ZNF100: variants seen among roughly 807,000 people sequenced by gnomAD.
ZNF100 encodes the protein zinc finger protein 100 (Y1).
ZNF100 carries 12 observed loss-of-function variants against 15.8 expected under a neutral mutation model. The observed-to-expected ratio is 0.76, with a 90% CI of 0.49 to 1.23. The LOEUF (loss-of-function observed/expected upper bound fraction) is 1.23. Among genes scored for constraint, ZNF100 ranks in the 50% most tolerant of loss-of-function variants. The pLI, the probability that ZNF100 is intolerant of heterozygous loss-of-function variation, is 0.00. For synonymous variants in ZNF100, 226 were observed against 214.8 expected, an observed-to-expected ratio of 1.05 and a Z score of -0.45; for missense variants, 670 against 635.6, an observed-to-expected ratio of 1.05 and a Z score of -0.58.
At chr19:21,750,832 G>T in intron 2 of ZNF100, 1 of 461,742 alleles carries the variant, frequency 2.2e-6, no homozygotes, top group South Asian at 4.8e-5. Context: ...CGGCCCAGAG[G>T]AGCAGAGACG....
At position 21,722,980 on chromosome 19, in the gene ZNF100, C is replaced by G. The variant is rs1427372574; in HGVS notation, c.*3703G>C. On this transcript the variant is annotated 3_prime_UTR_variant, in exon 5 of 5. Coordinates refer to ENST00000358296, the MANE Select transcript of ZNF100 (RefSeq NM_173531.4). ...TCTTCTCACCTGTGGACAATGTATG[C>G]TTTTATCTTAACTAATCCGAAAGTT... is the stretch of plus-strand genomic sequence containing the variant. The G allele has an allele frequency of 6.6e-6, 1 of 151,792 alleles. No homozygotes were observed. Among genetic ancestry groups the G allele is most frequent in the Non-Finnish European group, 1.5e-5 (1 of 67,980 alleles). The allele number at this position is 151,792 out of a possible 1,614,324, so 9.4% of individuals were successfully genotyped here.
rs146483586 is a variant in ZNF100 at position 21,747,022 on chromosome 19, A to G, written c.97-1955T>C. The G allele has an allele frequency of 3.9e-5, 6 of 152,342 alleles. 1 individual carries two copies. The East Asian group carries it at 1.2e-3, about 30-fold the overall frequency. The allele number at this position is 152,342 out of a possible 1,614,324, so 9.4% of individuals were successfully genotyped here. ...TCCACCCATACCTCTCCCTTATAAC[A>G]GAGGAGATTCAGGAAAAATGTGCTG... On this transcript the variant is annotated intron_variant, in intron 2 of 4. Transcript: ENST00000358296.
intron 2 of ZNF100, among the ~76,000 whole-genome samples, chr19:21,746,545 C>A (rs1384870856): frequency 2.0e-5 from 3 of 152,124 alleles, no homozygotes; most frequent in Non-Finnish European, 4.4e-5. Context: ...TGTTCAACAG[C>A]CACAATGGGA....
rs535130677 is a variant in ZNF100 at position 21,751,135 on chromosome 19, G to A, written c.97-6068C>T. ...AAGTTTCCTGAGCAAATCTCAAACCGATGTGCGAGACAAGAGGAAGAGCAA... is the reference window on the plus strand; with the variant it reads ...AAGTTTCCTGAGCAAATCTCAAACCAATGTGCGAGACAAGAGGAAGAGCAA... On this transcript the variant is annotated intron_variant, in intron 2 of 4. Coordinates refer to ENST00000358296, the MANE Select transcript of ZNF100 (RefSeq NM_173531.4). 36 of 1,388,380 alleles carry A rather than the reference G, an allele frequency of 2.6e-5. No homozygotes were observed. The East Asian group carries it at 8.0e-4, about 31-fold the overall frequency. The allele number at this position is 1,388,380 out of a possible 1,614,324, so 86.0% of individuals were successfully genotyped here.
chr19:21,727,052 CTTATG>C lies in ZNF100; in HGVS notation c.1255_1259del (p.His419GlufsTer12), dbSNP rs1433376693. On this transcript the variant is annotated frameshift_variant, in exon 5 of 5. Coordinates refer to ENST00000358296, the MANE Select transcript of ZNF100 (RefSeq NM_173531.4). LOFTEE classifies it low-confidence loss of function (END_TRUNC). ...AGGGTTTCTCTCCAGTATGAATTCTCTTATGTTTAGTGAGGGCTGAGGACCAGTTA... is the reference window on the plus strand; with the variant it reads ...AGGGTTTCTCTCCAGTATGAATTCTCTTTAGTGAGGGCTGAGGACCAGTTA... 1 of 1,613,340 alleles carries C rather than the reference CTTATG, an allele frequency of 6.2e-7. No homozygotes were observed. Among genetic ancestry groups the C allele is most frequent in the African/African-American group, 1.3e-5 (1 of 74,722 alleles).
intron 4 of ZNF100, among the ~76,000 whole-genome samples, chr19:21,733,324 A>AC: frequency 7.8e-6 from 1 of 128,778 alleles, no homozygotes; most frequent in African/African-American, 3.1e-5. Context: ...ATTGGAAAAT[A>AC]TAACAACAGA....
At chr19:21,747,839 G>A (rs1364184918) in intron 2 of ZNF100, among the ~76,000 whole-genome samples, 1 of 152,208 alleles carries the variant, frequency 6.6e-6, no homozygotes, top group Admixed American at 6.5e-5. Context: ...ATAGAGCACT[G>A]TGCTGGGCAT....
At chr19:21,764,643 A>G (rs755835905) in intron 2 of ZNF100, among the ~76,000 whole-genome samples, 217 of 142,818 alleles carry the variant, frequency 1.5e-3, no homozygotes, top group African/African-American at 3.8e-3. Context: ...CCGTGTGGGG[A>G]AAAAAAAAAA....
At chr19:21,738,309 A>G (rs2036047653) in intron 4 of ZNF100, among the ~76,000 whole-genome samples, 1 of 148,220 alleles carries the variant, frequency 6.7e-6, no homozygotes, top group African/African-American at 2.5e-5. Flanking sequence ...GAATGAGAAA[A>G]CTATTTTAAA....
At chr19:21,740,977 AC>A (rs1476333362) in intron 4 of ZNF100, among the ~76,000 whole-genome samples, 2 of 150,010 alleles carry the variant, frequency 1.3e-5, no homozygotes, top group African/African-American at 5.0e-5. Flanking sequence ...TGATTATTGT[AC>A]CAGTACTCAC....
At chr19:21,758,483 G>A (rs2036428017) in intron 2 of ZNF100, among the ~76,000 whole-genome samples, 1 of 152,182 alleles carries the variant, frequency 6.6e-6, no homozygotes, top group South Asian at 2.1e-4. Flanking sequence ...ACAGACAGTG[G>A]CCCAGGTGGC....
intron 4 of ZNF100, among the ~76,000 whole-genome samples, chr19:21,738,247 TCAAAAAAAAAAAAAAAAA>T (rs2036043745): frequency 2.1e-5 from 1 of 48,592 alleles, no homozygotes; most frequent in African/African-American, 1.0e-4. Context: ...TGACACTATG[TCAAAAAAAAAAAAAAAAA>T]AAAAAAAAAA....
intron 2 of ZNF100, among the ~76,000 whole-genome samples, chr19:21,759,780 G>A (rs969223745): frequency 6.6e-6 from 1 of 152,170 alleles, no homozygotes; most frequent in African/African-American, 2.4e-5. Flanking sequence ...GGTCTAAACA[G>A]GAGAGGCATA....
At chr19:21,754,773 A>T (rs1328747423) in intron 2 of ZNF100, among the ~76,000 whole-genome samples, 3 of 152,206 alleles carry the variant, frequency 2.0e-5, no homozygotes, top group Non-Finnish European at 2.9e-5. Context: ...AAGGAATCGC[A>T]ACAAAAGCCA....
intron 2 of ZNF100, chr19:21,751,669 T>C: frequency 7.6e-7 from 1 of 1,312,192 alleles, no homozygotes; most frequent in Non-Finnish European, 1.1e-6. Flanking sequence ...AAAGGCATTT[T>C]TCGGAGCTTC....
chr19:21,726,026 T>C lies in ZNF100; in HGVS notation c.*657A>G, dbSNP rs1164902751. Reference sequence around the variant, plus strand: ...GTTTTTTTCAATATAAATTCCCTGATATTGAACAAAGTTTGAGCAACTGCT... The same window carrying C: ...GTTTTTTTCAATATAAATTCCCTGACATTGAACAAAGTTTGAGCAACTGCT... On this transcript the variant is annotated 3_prime_UTR_variant, in exon 5 of 5. Transcript: ENST00000358296. The C allele has an allele frequency of 6.6e-6, 1 of 152,180 alleles. No individual in the cohort carries two copies. Among genetic ancestry groups the C allele is most frequent in the Non-Finnish European group, 1.5e-5 (1 of 67,986 alleles). 9.4% of individuals were successfully genotyped at this position (152,180 alleles called of 1,614,324 possible). A position where few individuals can be genotyped will look rare whatever the true frequency, so the allele number is the denominator to read the frequency against.
chr19:21,765,183 A>G lies in ZNF100; in HGVS notation c.96+511T>C, dbSNP rs372413186. ...TTTCTACCTTTCAAGCCCTACTAAT[A>G]TAATGCAATTTACAGCTAAAAAACT... On this transcript the variant is annotated intron_variant, in intron 2 of 4. Transcript: ENST00000358296. 3.3e-5 allele frequency among the ~76,000 whole-genome samples: 5 copies of G among 152,338 alleles called. No individual in the cohort carries two copies. The East Asian group carries it at 7.7e-4, about 23-fold the overall frequency.
rs2035838100 is a variant in ZNF100, at chr19:21,727,799, AGT to A, written c.511_512del (p.Thr171TyrfsTer9). ...CACATTGAAATATGTTGCTCTGGGT[AGT>A]TATCAAACACTGGTTTAATTTGTTA... is the stretch of plus-strand genomic sequence containing the variant. ...HDNKLNQCLI[T>X]TQSNIFQCDP... On this transcript the variant is annotated frameshift_variant, in exon 5 of 5. Coordinates refer to ENST00000358296, the MANE Select transcript of ZNF100 (RefSeq NM_173531.4). LOFTEE classifies it low-confidence loss of function (END_TRUNC). The A allele has an allele frequency of 5.6e-6, 9 of 1,613,398 alleles. No individual in the cohort carries two copies. In the Admixed American group the frequency reaches 1.5e-4, roughly 27 times the overall value.
At chr19:21,736,512 G>A (rs1174903600) in intron 4 of ZNF100, among the ~76,000 whole-genome samples, 1 of 152,194 alleles carries the variant, frequency 6.6e-6, no homozygotes, top group East Asian at 1.9e-4. Context: ...AAATAACAAG[G>A]ATATTCAGGA....
Sources: gnomAD v4.1 joint callset for allele counts (sites outside exome capture counted in the v4.1 genomes callset) on GRCh38, gnomAD v4.1.1 for gene constraint, MANE v1.5 for transcripts, NCBI Gene and HGNC (gene_info 2026-07-23, HGNC 2026-07-21) for gene names.